DYM: variants seen among roughly 807,000 people sequenced by gnomAD.
DYM encodes the protein dyggve-Melchior-Clausen syndrome protein.
A neutral mutation model predicts 93.1 loss-of-function variants in DYM; 78 were observed. That is an observed-to-expected ratio of 0.84 (90% confidence interval 0.70 to 1.01). DYM has a LOEUF of 1.01. DYM is among the 50% of genes least tolerant of loss of function. The pLI is 0.00. For synonymous variants in DYM, 321 were observed against 319.7 expected, an observed-to-expected ratio of 1.00 and a Z score of -0.04; for missense variants, 789 against 845.0, an observed-to-expected ratio of 0.93 and a Z score of 0.82.
intron 13 of DYM, among the ~76,000 whole-genome samples, chr18:49,216,186 G>C (rs1289841169): frequency 6.6e-6 from 1 of 152,216 alleles, no homozygotes; most frequent in African/African-American, 2.4e-5. Context: ...CAAGGTGGCA[G>C]CGAGGCTGGG....
At chr18:49,294,299 G>A (rs1340284535) in intron 8 of DYM, among the ~76,000 whole-genome samples, 2 of 152,140 alleles carry the variant, frequency 1.3e-5, no homozygotes, top group Non-Finnish European at 2.9e-5. Context: ...GGCTATACAG[G>A]CTCTTTTTTG....
intron 14 of DYM, among the ~76,000 whole-genome samples, chr18:49,205,477 C>T (rs900484980): frequency 2.0e-5 from 3 of 151,938 alleles, no homozygotes; most frequent in Non-Finnish European, 4.4e-5. Context: ...GAAAAAAATA[C>T]ATATAACATA....
chr18:49,244,158 C>T (rs1042040530), intron 13 of DYM, among the ~76,000 whole-genome samples: 2 of 152,282 alleles, frequency 1.3e-5, no homozygotes, highest in East Asian at 1.9e-4. Context: ...ACTAACTTCT[C>T]TCCTACTCAT....
At chr18:49,302,878 G>A (rs1188975233) in intron 8 of DYM, among the ~76,000 whole-genome samples, 2 of 152,124 alleles carry the variant, frequency 1.3e-5, no homozygotes, top group African/African-American at 4.8e-5. Flanking sequence ...AACCATAAAG[G>A]GAGCCCCTCA....
chr18:49,078,448 G>T (rs1303834505), intron 17 of DYM, among the ~76,000 whole-genome samples: 1 of 151,866 alleles, frequency 6.6e-6, no homozygotes, highest in Non-Finnish European at 1.5e-5. Flanking sequence ...ACCATACAGG[G>T]CCATATCCCT....
chr18:49,352,800 T>C (rs183815240), intron 6 of DYM, among the ~76,000 whole-genome samples: 1 of 152,312 alleles, frequency 6.6e-6, no homozygotes, highest in East Asian at 1.9e-4. Flanking sequence ...CAAAGTTTGA[T>C]GCCCAAATAA....
intron 5 of DYM, among the ~76,000 whole-genome samples, chr18:49,370,049 G>C (rs1010555657): frequency 1.3e-5 from 2 of 152,166 alleles, no homozygotes; most frequent in Non-Finnish European, 2.9e-5. Flanking sequence ...GGCCGAGATG[G>C]GCGGACCACT....
chr18:49,341,347 C>T (rs2064107924), intron 6 of DYM, among the ~76,000 whole-genome samples: 1 of 151,936 alleles, frequency 6.6e-6, no homozygotes, highest in African/African-American at 2.4e-5. Context: ...AAAAAATTAG[C>T]CGGGCATGGT....
intron 1 of DYM, among the ~76,000 whole-genome samples, chr18:49,441,770 TG>T (rs1344590486): frequency 6.6e-6 from 1 of 151,570 alleles, no homozygotes; most frequent in African/African-American, 2.4e-5. Flanking sequence ...CATGGAGCCG[TG>T]GGAAGGCTAA....
intron 3 of DYM, among the ~76,000 whole-genome samples, chr18:49,387,489 T>A (rs2068748128): frequency 6.6e-6 from 1 of 151,416 alleles, no homozygotes; most frequent in African/African-American, 2.4e-5. Context: ...TTGGCCAGGC[T>A]GGTCTTGAAC....
rs531244182 is a variant in DYM at position 49,079,318 on chromosome 18, A to G, written c.2025+18084T>C. Reference sequence around the variant, plus strand: ...TTGCTGTGTGCAGAAAATGTGTTCCATTTTCTTGATTCTGTGGATGTCGGG... The same window carrying G: ...TTGCTGTGTGCAGAAAATGTGTTCCGTTTTCTTGATTCTGTGGATGTCGGG... On this transcript the variant is annotated intron_variant, in intron 17 of 17. Transcript: ENST00000675505. Among the ~76,000 whole-genome samples, 110 of 150,956 alleles carry G rather than the reference A, an allele frequency of 7.3e-4. 2 individuals carry two copies. The highest frequency in any genetic ancestry group is 2.7e-3 in the African/African-American group (109 of 40,994).
intron 2 of DYM, among the ~76,000 whole-genome samples, chr18:49,405,494 G>A (rs2071374910): frequency 1.3e-5 from 2 of 152,156 alleles, no homozygotes; most frequent in South Asian, 4.1e-4. Flanking sequence ...TTATTGAATA[G>A]GAAGTCTTTT....
At chr18:49,170,578 C>G (rs946561147) in intron 14 of DYM, among the ~76,000 whole-genome samples, 1 of 151,614 alleles carries the variant, frequency 6.6e-6, no homozygotes, top group African/African-American at 2.4e-5. Flanking sequence ...TCAGGAATTT[C>G]AGACCAGCCT....
At chr18:49,127,909 C>G (rs8096411) in intron 15 of DYM, among the ~76,000 whole-genome samples, 36,557 of 152,120 alleles carry the variant, frequency 0.24, 5,486 homozygotes, top group African/African-American at 0.43. Flanking sequence ...GGTGAGCAGA[C>G]AGCAGTCACC....
At chr18:49,249,708 G>C (rs1167362579) in intron 13 of DYM, among the ~76,000 whole-genome samples, 1 of 151,752 alleles carries the variant, frequency 6.6e-6, no homozygotes, top group Non-Finnish European at 1.5e-5. Flanking sequence ...GTCATCATGA[G>C]TGCAGGGCAG....
At position 49,039,737 on chromosome 18, in the gene DYM, A is replaced by G. The variant is rs1215624230; in HGVS notation, c.*4318T>C. Among the ~76,000 whole-genome samples the G allele has an allele frequency of 1.3e-5, 2 of 152,114 alleles. No homozygotes were observed. Among genetic ancestry groups the G allele is most frequent in the Admixed American group, 1.3e-4 (2 of 15,276 alleles). ...CAGTACTTTAGTTATAGAATTTCCA[A>G]TGCGCCTTTTACAGTTTCTAACTCT... On this transcript the variant is annotated 3_prime_UTR_variant, in exon 18 of 18. Coordinates refer to ENST00000675505, the MANE Select transcript of DYM (RefSeq NM_001353214.3).
chr18:49,137,274 A>C (rs980795784), intron 15 of DYM, among the ~76,000 whole-genome samples: 1 of 152,334 alleles, frequency 6.6e-6, no homozygotes, highest in Admixed American at 6.5e-5. Flanking sequence ...ACACTTGGCA[A>C]GTAGTAACAG....
chr18:49,401,617 C>A (rs1179913825), intron 2 of DYM, among the ~76,000 whole-genome samples: 1 of 146,832 alleles, frequency 6.8e-6, no homozygotes, highest in Non-Finnish European at 1.5e-5. Flanking sequence ...ATCAATCAAC[C>A]TTTCTCTCTC....
At chr18:49,106,904 G>T (rs534328501) in intron 16 of DYM, among the ~76,000 whole-genome samples, 41 of 152,264 alleles carry the variant, frequency 2.7e-4, no homozygotes, top group African/African-American at 8.4e-4. Flanking sequence ...TCTTCTCGAG[G>T]AGTATCTTTG....
Sources: allele counts gnomAD v4.1 joint callset (sites outside exome capture counted in the v4.1 genomes callset), GRCh38; gene constraint gnomAD v4.1.1; transcripts MANE v1.5; gene names NCBI Gene and HGNC (gene_info 2026-07-23, HGNC 2026-07-21).